The following KLHL32 variants were observed in gnomAD, a reference collection of about 807,000 sequenced individuals.
The protein encoded by KLHL32 is kelch-like protein 32.
A neutral mutation model predicts 64.8 loss-of-function variants in KLHL32; 35 were observed. The ratio of observed to expected loss-of-function variants is 0.54; its 90% CI spans 0.41 to 0.72. The LOEUF is 0.72. Ranked by LOEUF, KLHL32 falls within the 30% of genes least tolerant of loss-of-function variation. The pLI is 0.00. For missense variants in KLHL32, 589 were observed against 768.5 expected, an observed-to-expected ratio of 0.77 and a Z score of 2.76; for synonymous variants, 259 against 281.0, an observed-to-expected ratio of 0.92 and a Z score of 0.78.
intron 1 of KLHL32, among the ~76,000 whole-genome samples, chr6:96,959,095 T>A (rs572376019): frequency 6.6e-6 from 1 of 152,122 alleles, no homozygotes; most frequent in East Asian, 1.9e-4. Flanking sequence ...GTTTAGCACC[T>A]AGAGAAAGAT....
At position 96,975,972 on chromosome 6, in the gene KLHL32, T is replaced by A. The variant is rs376620209; in HGVS notation, c.24-25T>A. 4.0e-6 allele frequency: 6 copies of A among 1,497,388 alleles called. No homozygotes were observed. The African/African-American group carries it at 5.6e-5, about 14-fold the overall frequency. 92.8% of individuals were successfully genotyped at this position (1,497,388 alleles called of 1,614,324 possible). On this transcript the variant is annotated intron_variant, in intron 2 of 10. Coordinates refer to ENST00000369261, the MANE Select transcript of KLHL32 (RefSeq NM_052904.4). ...CACAGGGCTGGGAAAAGGAAAAATGTTGACTTGATTGCTCTCCTTTGTAGT... is the reference window on the plus strand; with the variant it reads ...CACAGGGCTGGGAAAAGGAAAAATGATGACTTGATTGCTCTCCTTTGTAGT...
chr6:97,016,184 G>A (rs1178543606), intron 3 of KLHL32, among the ~76,000 whole-genome samples: 2 of 152,222 alleles, frequency 1.3e-5, no homozygotes, highest in Non-Finnish European at 2.9e-5. Flanking sequence ...GGAGCTGTGA[G>A]AAGAGGGCCA....
intron 3 of KLHL32, among the ~76,000 whole-genome samples, chr6:97,016,896 C>T (rs1201773318): frequency 1.3e-5 from 2 of 152,146 alleles, no homozygotes; most frequent in Non-Finnish European, 2.9e-5. Context: ...GAGGCCCTAT[C>T]CCCTTCACTC....
intron 6 of KLHL32, among the ~76,000 whole-genome samples, chr6:97,101,663 A>T (rs908048314): frequency 6.6e-6 from 1 of 152,232 alleles, no homozygotes; most frequent in East Asian, 1.9e-4. Context: ...GTTGAATTTA[A>T]CAAAGCCACA....
intron 3 of KLHL32, among the ~76,000 whole-genome samples, chr6:96,991,374 C>T (rs940669101): frequency 6.6e-6 from 1 of 151,940 alleles, no homozygotes; most frequent in Non-Finnish European, 1.5e-5. Context: ...GGTTTCTCTC[C>T]GTATGGTGGC....
intron 6 of KLHL32, among the ~76,000 whole-genome samples, chr6:97,096,013 A>G (rs528239716): frequency 1.3e-5 from 2 of 152,258 alleles, no homozygotes; most frequent in African/African-American, 4.8e-5. Context: ...GGCTCATAAA[A>G]TGAGGCCCGG....
intron 3 of KLHL32, among the ~76,000 whole-genome samples, chr6:97,013,274 T>C (rs1398352136): frequency 6.6e-6 from 1 of 152,214 alleles, no homozygotes; most frequent in Admixed American, 6.5e-5. Flanking sequence ...TGCACTGAGC[T>C]AGTGTTAAAT....
intron 1 of KLHL32, among the ~76,000 whole-genome samples, chr6:96,934,381 T>G (rs1446308370): frequency 6.6e-6 from 1 of 152,210 alleles, no homozygotes; most frequent in Non-Finnish European, 1.5e-5. Flanking sequence ...CTGCTTCTTA[T>G]TCCTACCTTC....
At chr6:96,939,684 A>G (rs1173732674) in intron 1 of KLHL32, among the ~76,000 whole-genome samples, 1 of 152,122 alleles carries the variant, frequency 6.6e-6, no homozygotes, top group Non-Finnish European at 1.5e-5. Context: ...GAAGGGGGAA[A>G]TGTGCTGGAG....
At chr6:96,953,457 C>T (rs1772876645) in intron 1 of KLHL32, among the ~76,000 whole-genome samples, 2 of 152,090 alleles carry the variant, frequency 1.3e-5, no homozygotes, top group African/African-American at 4.8e-5. Flanking sequence ...TGGCGAAACC[C>T]TGTTTGTACT....
intron 8 of KLHL32, among the ~76,000 whole-genome samples, chr6:97,129,749 G>A (rs768006654): frequency 9.2e-5 from 14 of 152,116 alleles, no homozygotes; most frequent in Non-Finnish European, 1.8e-4. Flanking sequence ...AGGTTTGGTG[G>A]CACTTGCCTG....
At chr6:97,107,136 A>G (rs1796518652) in intron 6 of KLHL32, among the ~76,000 whole-genome samples, 1 of 152,074 alleles carries the variant, frequency 6.6e-6, no homozygotes, top group Non-Finnish European at 1.5e-5. Flanking sequence ...TACTAAAAAT[A>G]CAAAAAATTA....
At chr6:97,116,493 CATTT>C (rs1234837655) in intron 7 of KLHL32, among the ~76,000 whole-genome samples, 11 of 152,142 alleles carry the variant, frequency 7.2e-5, no homozygotes, top group Admixed American at 1.3e-4. Flanking sequence ...TCCATTGACT[CATTT>C]AGTTTCATAT....
chr6:96,947,697 G>T (rs1772090070), intron 1 of KLHL32, among the ~76,000 whole-genome samples: 1 of 152,138 alleles, frequency 6.6e-6, no homozygotes, highest in African/African-American at 2.4e-5. Context: ...CGGATTTTAT[G>T]CTCTTTGCAT....
At chr6:96,960,165 TATC>T (rs1773726792) in intron 1 of KLHL32, among the ~76,000 whole-genome samples, 1 of 152,232 alleles carries the variant, frequency 6.6e-6, no homozygotes, top group Non-Finnish European at 1.5e-5. Flanking sequence ...ATTAAGGTTT[TATC>T]ATCTTCATCA....
intron 6 of KLHL32, among the ~76,000 whole-genome samples, chr6:97,088,221 G>T (rs1884166): frequency 6.6e-6 from 1 of 152,090 alleles, no homozygotes; most frequent in Admixed American, 6.5e-5. Flanking sequence ...TTAAAATTTA[G>T]TTCAATTCAG....
intron 6 of KLHL32, among the ~76,000 whole-genome samples, chr6:97,089,778 TAAAAAAA>T (rs35560928): frequency 7.3e-6 from 1 of 136,288 alleles, no homozygotes; most frequent in Admixed American, 7.4e-5. Flanking sequence ...AAACTCCAGC[TAAAAAAA>T]AAAAAAAAAA....
chr6:97,090,416 T>G (rs1020575695), intron 6 of KLHL32, among the ~76,000 whole-genome samples: 9 of 152,190 alleles, frequency 5.9e-5, no homozygotes, highest in Non-Finnish European at 1.2e-4. Flanking sequence ...ATGCAGTGGT[T>G]TTTTTGACAC....
At chr6:97,070,618 G>C (rs1790559542) in intron 5 of KLHL32, among the ~76,000 whole-genome samples, 1 of 152,136 alleles carries the variant, frequency 6.6e-6, no homozygotes, top group African/African-American at 2.4e-5. Context: ...CGTTTGTGAG[G>C]ATTTTAAAGA....
Sources: allele counts gnomAD v4.1 joint callset (sites outside exome capture counted in the v4.1 genomes callset), GRCh38; gene constraint gnomAD v4.1.1; transcripts MANE v1.5; gene names NCBI Gene and HGNC (gene_info 2026-07-23, HGNC 2026-07-21).